The following ELAVL4 variants were observed in gnomAD, a reference collection of about 807,000 sequenced individuals.
The protein encoded by ELAVL4 is ELAV-like protein 4.
In ELAVL4, 1 loss-of-function variant was observed where a neutral mutation model predicts 35.6. The observed-to-expected ratio is 0.03, with a 90% CI of 0.01 to 0.13. The LOEUF is 0.13. Among genes scored for constraint, ELAVL4 ranks in the 10% least tolerant of loss-of-function variants. The pLI is 1.00. For synonymous variants in ELAVL4, 156 were observed against 171.0 expected (o/e 0.91, Z 0.69); for missense variants, 267 against 464.9 (o/e 0.57, Z 3.91).
intron 1 of ELAVL4, among the ~76,000 whole-genome samples, chr1:50,087,530 T>C (rs1279493421): frequency 4.6e-5 from 7 of 152,230 alleles, no homozygotes; most frequent in Admixed American, 2.0e-4. Context: ...ACCTTAGCGA[T>C]GTGACCTAAA....
chr1:50,157,918 T>C (rs1676037558), intron 2 of ELAVL4, among the ~76,000 whole-genome samples: 2 of 152,202 alleles, frequency 1.3e-5, no homozygotes, highest in South Asian at 4.1e-4. Context: ...TTTGTATATA[T>C]AGATATGTGT....
At chr1:50,075,818 TAG>T (rs952906371) in intron 1 of ELAVL4, among the ~76,000 whole-genome samples, 5 of 150,172 alleles carry the variant, frequency 3.3e-5, no homozygotes, top group Admixed American at 3.3e-4. Flanking sequence ...TAGATATAGA[TAG>T]AGAGAGAGAG....
At chr1:50,124,934 A>G (rs540273485) in intron 1 of ELAVL4, among the ~76,000 whole-genome samples, 1 of 152,244 alleles carries the variant, frequency 6.6e-6, no homozygotes, top group East Asian at 1.9e-4. Flanking sequence ...TTATCATACA[A>G]TATTAATTTG....
intron 1 of ELAVL4, among the ~76,000 whole-genome samples, chr1:50,058,767 C>A (rs1277904904): frequency 6.6e-6 from 1 of 151,884 alleles, no homozygotes; most frequent in Non-Finnish European, 1.5e-5. Flanking sequence ...GCATGCACCA[C>A]CATGCTTGTA....
chr1:50,089,989 C>T (rs145340768), intron 1 of ELAVL4, among the ~76,000 whole-genome samples: 118 of 152,198 alleles, frequency 7.8e-4, no homozygotes, highest in African/African-American at 2.7e-3. Flanking sequence ...GCCTCAAAAG[C>T]ATTTGAGGTC....
At position 50,119,036 on chromosome 1, in the gene ELAVL4, A is replaced by AAAAGAAAGAAAGAAAG. The variant is rs531184149; in HGVS notation, c.9+9882_9+9897dup. On this transcript the variant is annotated intron_variant, in intron 1 of 6. Coordinates refer to ENST00000371824, the MANE Select transcript of ELAVL4 (RefSeq NM_001144774.3). ...AGAAAAGAAAGGAAAGAAAGAAAGA[A>AAAAGAAAGAAAGAAAG]AAAGAAAGAAAGAAAGAAAGAAAGA... 2.9e-3 allele frequency among the ~76,000 whole-genome samples: 363 copies of AAAAGAAAGAAAGAAAG among 127,248 alleles called. 1 individual carries two copies. Among genetic ancestry groups the AAAAGAAAGAAAGAAAG allele is most frequent in the South Asian group, 4.3e-3 (15 of 3,486 alleles). 83.5% of individuals were successfully genotyped at this position (127,248 alleles called of 152,430 possible). A position where few individuals can be genotyped will look rare whatever the true frequency, so the allele number is the denominator to read the frequency against.
intron 1 of ELAVL4, among the ~76,000 whole-genome samples, chr1:50,085,038 A>G (rs914581863): frequency 1.3e-5 from 2 of 152,192 alleles, no homozygotes; most frequent in Non-Finnish European, 2.9e-5. Context: ...ATCAAAGTGT[A>G]GGAACATTTT....
At chr1:50,134,926 G>T (rs1346199310) in intron 1 of ELAVL4, among the ~76,000 whole-genome samples, 1 of 152,098 alleles carries the variant, frequency 6.6e-6, no homozygotes, top group Non-Finnish European at 1.5e-5. Flanking sequence ...ATGTAAAGGA[G>T]GCCAGTATTT....
intron 1 of ELAVL4, among the ~76,000 whole-genome samples, chr1:50,051,882 G>C (rs142774968): frequency 8.8e-4 from 134 of 152,286 alleles, no homozygotes; most frequent in African/African-American, 3.1e-3. Context: ...AGTTCAAGAT[G>C]AAGGTGTTAG....
chr1:50,092,174 T>C (rs1453480762), intron 1 of ELAVL4, among the ~76,000 whole-genome samples: 1 of 152,190 alleles, frequency 6.6e-6, no homozygotes, highest in Non-Finnish European at 1.5e-5. Context: ...AGTACATATA[T>C]AGACAAGTTA....
At chr1:50,087,354 T>G (rs1665292185) in intron 1 of ELAVL4, among the ~76,000 whole-genome samples, 1 of 152,236 alleles carries the variant, frequency 6.6e-6, no homozygotes, top group Non-Finnish European at 1.5e-5. Context: ...GCTGTTCATG[T>G]CTTCCACTCT....
At chr1:50,099,454 G>A (rs1665863030), upstream of ELAVL4, among the ~76,000 whole-genome samples, 1 of 151,742 alleles carries the variant, frequency 6.6e-6, no homozygotes, top group South Asian at 2.1e-4. Flanking sequence ...CAGCTACTTG[G>A]GAGGCTGAGG....
chr1:50,070,655 C>T (rs950142221), intron 1 of ELAVL4, among the ~76,000 whole-genome samples: 12 of 148,862 alleles, frequency 8.1e-5, no homozygotes, highest in Non-Finnish European at 1.0e-4. Flanking sequence ...CCAGGAGAAT[C>T]GCTTGAACCC....
intron 2 of ELAVL4, among the ~76,000 whole-genome samples, chr1:50,159,673 C>T (rs1355429970): frequency 6.6e-6 from 1 of 152,048 alleles, no homozygotes; most frequent in East Asian, 1.9e-4. Flanking sequence ...GCTAACACGA[C>T]GTGAAAAGGA....
At chr1:50,056,886 C>T (rs570082141) in intron 1 of ELAVL4, among the ~76,000 whole-genome samples, 3 of 150,108 alleles carry the variant, frequency 2.0e-5, no homozygotes, top group African/African-American at 7.3e-5. Context: ...AAGCCAAGAT[C>T]GTGCCACTGC....
intron 1 of ELAVL4, among the ~76,000 whole-genome samples, chr1:50,121,946 AAAT>A (rs1478693665): frequency 1.3e-5 from 2 of 152,082 alleles, no homozygotes; most frequent in Non-Finnish European, 2.9e-5. Flanking sequence ...GTGGGACTAG[AAAT>A]AATAAGATTA....
intron 1 of ELAVL4, among the ~76,000 whole-genome samples, chr1:50,092,604 T>C (rs1272481129): frequency 6.6e-6 from 1 of 152,238 alleles, no homozygotes; most frequent in Non-Finnish European, 1.5e-5. Flanking sequence ...ACTCTTGCCT[T>C]ATTCTGCCCA....
At chr1:50,100,516 T>A (rs939857313), upstream of ELAVL4, among the ~76,000 whole-genome samples, 22 of 152,226 alleles carry the variant, frequency 1.4e-4, no homozygotes, top group African/African-American at 5.1e-4. Context: ...GGATCTCGCC[T>A]CAGTTCAGGC....
intron 6 of ELAVL4, 189 bp from the exon 7 acceptor site, chr1:50,200,662 C>A: frequency 8.3e-7 from 1 of 1,197,622 alleles, no homozygotes; most frequent in Non-Finnish European, 1.2e-6. Context: ...CATGCCCTAG[C>A]CAGTCAAGCC....
Sources: allele counts gnomAD v4.1 joint callset (sites outside exome capture counted in the v4.1 genomes callset), GRCh38; gene constraint gnomAD v4.1.1; transcripts MANE v1.5; gene names NCBI Gene and HGNC (gene_info 2026-07-23, HGNC 2026-07-21).